The following ARHGEF28 variants were observed in gnomAD, a reference collection of about 807,000 sequenced individuals.
The protein encoded by ARHGEF28 is Rho guanine nucleotide exchange factor 28, also known as 190 kDa guanine nucleotide exchange factor.
In ARHGEF28, 152 loss-of-function variants were observed where a neutral mutation model predicts 206.6. The observed-to-expected ratio is 0.74, with a 90% CI of 0.64 to 0.84. The LOEUF (loss-of-function observed/expected upper bound fraction) is 0.84, where lower values mean the gene tolerates loss of function less well. Among genes scored for constraint, ARHGEF28 ranks in the 40% least tolerant of loss-of-function variants. The pLI, the probability that ARHGEF28 is intolerant of heterozygous loss-of-function variation, is 0.00. For synonymous variants in ARHGEF28, 763 were observed against 776.4 expected (o/e 0.98, Z 0.29); for missense variants, 2,028 against 2,073.2 (o/e 0.98, Z 0.42).
At chr5:73,697,619 C>A (rs887922057) in intron 2 of ARHGEF28, among the ~76,000 whole-genome samples, 1 of 152,108 alleles carries the variant, frequency 6.6e-6, no homozygotes, top group Non-Finnish European at 1.5e-5. Flanking sequence ...CCACAATAAC[C>A]CATTAATCAT....
intron 4 of ARHGEF28, among the ~76,000 whole-genome samples, chr5:73,764,993 A>AT (rs1752818470): frequency 6.6e-6 from 1 of 152,000 alleles, no homozygotes; most frequent in African/African-American, 2.4e-5. Flanking sequence ...ATTTTTAATA[A>AT]TTTTTTTCAT....
At chr5:73,667,551 C>T (rs973889050) in intron 1 of ARHGEF28, among the ~76,000 whole-genome samples, 1 of 152,182 alleles carries the variant, frequency 6.6e-6, no homozygotes, top group East Asian at 1.9e-4. Context: ...GTCATTCTCC[C>T]ATCATCTTGA....
At position 73,844,557 on chromosome 5, in the gene ARHGEF28, AT is replaced by A. The variant is rs971750607; in HGVS notation, c.1428-1702del. On this transcript the variant is annotated intron_variant, in intron 11 of 35. Transcript: ENST00000513042. ...ACTTACTGTGTCCATTAAATAGCCT[AT>A]TTTTTTTTAAATAACCTAAACAGGT... 3.1e-4 allele frequency among the ~76,000 whole-genome samples: 46 copies of A among 148,298 alleles called. No individual in the cohort carries two copies. The East Asian group carries it at 6.9e-3, about 22-fold the overall frequency.
At chr5:73,769,661 T>G (rs115894962) in intron 4 of ARHGEF28, among the ~76,000 whole-genome samples, 4,168 of 152,274 alleles carry the variant, frequency 0.027, 170 homozygotes, top group African/African-American at 0.092. Flanking sequence ...GGTTTATAGG[T>G]AGGAATGGAA....
At chr5:73,695,699 T>G (rs952445197) in intron 2 of ARHGEF28, among the ~76,000 whole-genome samples, 3 of 152,232 alleles carry the variant, frequency 2.0e-5, no homozygotes, top group African/African-American at 7.2e-5. Context: ...CAAGACCTGC[T>G]GATGGCCATG....
At chr5:73,662,480 G>A (rs568974966) in intron 1 of ARHGEF28, among the ~76,000 whole-genome samples, 1 of 152,280 alleles carries the variant, frequency 6.6e-6, no homozygotes, top group South Asian at 2.1e-4. Context: ...CCTGGAAAGA[G>A]AAAACCTTAT....
At chr5:73,737,439 C>CTTTTCTTTTCTTTTCTTTTCTTTTCTT (rs1751018089) in intron 2 of ARHGEF28, among the ~76,000 whole-genome samples, 3 of 72,554 alleles carry the variant, frequency 4.1e-5, no homozygotes, top group South Asian at 1.3e-3. Flanking sequence ...AGCCCTCTTC[C>CTTTTCTTTTCTTTTCTTTTCTTTTCTT]TTCTTTTCTT....
intron 2 of ARHGEF28, among the ~76,000 whole-genome samples, chr5:73,729,712 T>C (rs1750492474): frequency 6.6e-6 from 1 of 152,240 alleles, no homozygotes; most frequent in African/African-American, 2.4e-5. Flanking sequence ...TACATATCTT[T>C]CCTCGATAAG....
chr5:73,725,317 T>A (rs1750205121), intron 2 of ARHGEF28, among the ~76,000 whole-genome samples: 1 of 152,230 alleles, frequency 6.6e-6, no homozygotes, highest in Non-Finnish European at 1.5e-5. Context: ...CTTCTCATAT[T>A]TGCGTAGTCC....
chr5:73,875,586 T>C (rs1760416769), intron 22 of ARHGEF28, among the ~76,000 whole-genome samples: 1 of 152,032 alleles, frequency 6.6e-6, no homozygotes. Context: ...CATCTTGAAT[T>C]AATTTTTGTA....
In ARHGEF28 at chr5:73,832,436, G is replaced by A. The variant is rs759665233; in HGVS notation, c.1123G>A (p.Ala375Thr). The change falls in exon 10 of 36, where the codon GCT becomes ACT. Residue 375 changes from alanine (A) to threonine (T), a missense_variant. Ala to Thr is a moderately conservative substitution (Grantham distance 58, BLOSUM62 0). Transcript: ENST00000513042. ...DMLNGGDEVY[A>T]NCMVIDQVGD... ...GCTGAATGGAGGTGATGAAGTCTACGCTAACTGTATGGTGATTGATCAGGT... is the reference window on the plus strand; with the variant it reads ...GCTGAATGGAGGTGATGAAGTCTACACTAACTGTATGGTGATTGATCAGGT... 2.2e-5 allele frequency: 36 copies of A among 1,612,252 alleles called. No homozygotes were observed. The highest frequency in any genetic ancestry group is 1.7e-5 in the Admixed American group (1 of 59,850).
chr5:73,830,649 T>G (rs950893285), intron 9 of ARHGEF28, among the ~76,000 whole-genome samples: 8 of 151,884 alleles, frequency 5.3e-5, no homozygotes, highest in Admixed American at 5.2e-4. Flanking sequence ...GTGTTCTGTG[T>G]GGAGAAGAGA....
chr5:73,874,107 A>T (rs1428755065), intron 22 of ARHGEF28, among the ~76,000 whole-genome samples: 1 of 152,248 alleles, frequency 6.6e-6, no homozygotes, highest in East Asian at 1.9e-4. Flanking sequence ...TTCAAGTTGC[A>T]CTTCCCTCAT....
At chr5:73,697,224 CCTAA>C (rs897943982) in intron 2 of ARHGEF28, among the ~76,000 whole-genome samples, 3 of 152,130 alleles carry the variant, frequency 2.0e-5, no homozygotes, top group African/African-American at 7.2e-5. Flanking sequence ...TGAAGAATCT[CCTAA>C]CTCAGAAAAG....
intron 35 of ARHGEF28, among the ~76,000 whole-genome samples, chr5:73,921,960 G>A (rs888109918): frequency 3.3e-5 from 5 of 152,118 alleles, no homozygotes; most frequent in Non-Finnish European, 5.9e-5. Context: ...TGCAATAAGG[G>A]CATTGCACTC....
At chr5:73,721,243 T>G (rs2112330224) in intron 2 of ARHGEF28, among the ~76,000 whole-genome samples, 1 of 152,314 alleles carries the variant, frequency 6.6e-6, no homozygotes, top group South Asian at 2.1e-4. Flanking sequence ...CCTGCCATGG[T>G]GTCTGTGGGG....
intron 1 of ARHGEF28, among the ~76,000 whole-genome samples, chr5:73,657,283 G>A (rs1005293621): frequency 6.6e-6 from 1 of 151,736 alleles, no homozygotes; most frequent in Non-Finnish European, 1.5e-5. Flanking sequence ...TATATTCTGG[G>A]TAATTTCCAA....
At chr5:73,640,460 C>A (rs998747540) in intron 1 of ARHGEF28, among the ~76,000 whole-genome samples, 7 of 152,130 alleles carry the variant, frequency 4.6e-5, no homozygotes, top group Non-Finnish European at 1.0e-4. Flanking sequence ...TAGTGGAGGG[C>A]AAATGATCAT....
chr5:73,760,642 T>C (rs1235354481), intron 4 of ARHGEF28, among the ~76,000 whole-genome samples: 1 of 152,216 alleles, frequency 6.6e-6, no homozygotes, highest in Non-Finnish European at 1.5e-5. Context: ...ATATGTATAT[T>C]ATTTGTGAAG....
Sources: gnomAD v4.1 joint callset for allele counts (sites outside exome capture counted in the v4.1 genomes callset) on GRCh38, gnomAD v4.1.1 for gene constraint, MANE v1.5 for transcripts, NCBI Gene and HGNC (gene_info 2026-07-23, HGNC 2026-07-21) for gene names.